CCNY: variants seen among roughly 807,000 people sequenced by gnomAD.
The protein encoded by CCNY is cyclin-Y.
Under a neutral mutation model 42.8 loss-of-function variants are expected in CCNY, and 19 were observed. The observed-to-expected ratio is 0.44, with a 90% CI of 0.31 to 0.65. The LOEUF (loss-of-function observed/expected upper bound fraction) is 0.65. CCNY is among the 30% of genes least tolerant of loss of function. The probability of loss-of-function intolerance (pLI) is 0.07; values close to 1 mark genes in which losing one functional copy is unlikely to be tolerated. For synonymous variants in CCNY, 165 were observed against 162.7 expected, an observed-to-expected ratio of 1.01 and a Z score of -0.11; for missense variants, 370 against 437.3, an observed-to-expected ratio of 0.85 and a Z score of 1.37.
At chr10:35,562,248 G>C (rs1047910721) in intron 8 of CCNY, among the ~76,000 whole-genome samples, 25 of 152,214 alleles carry the variant, frequency 1.6e-4, no homozygotes, top group African/African-American at 6.0e-4. Context: ...CACAGAGAAA[G>C]AACTTCAGTT....
chr10:35,483,009 A>G (rs1232496159), intron 1 of CCNY, among the ~76,000 whole-genome samples: 2 of 152,136 alleles, frequency 1.3e-5, no homozygotes, highest in African/African-American at 4.8e-5. Flanking sequence ...AGATATTCCT[A>G]TTTTAATCAC....
At chr10:35,294,268 T>C (rs919671340) in intron 3 of CCNY, among the ~76,000 whole-genome samples, 4 of 152,218 alleles carry the variant, frequency 2.6e-5, no homozygotes, top group Admixed American at 6.5e-5. Context: ...CTTATAATTA[T>C]CCTGGTTAGA....
intron 1 of CCNY, among the ~76,000 whole-genome samples, chr10:35,471,761 T>C (rs533551426): frequency 7.2e-5 from 11 of 152,164 alleles, no homozygotes; most frequent in Admixed American, 7.2e-4. Flanking sequence ...TCTTAATAGG[T>C]ATCAACATCA....
chr10:35,392,194 A>G (rs1837428562), intron 1 of CCNY, among the ~76,000 whole-genome samples: 1 of 152,220 alleles, frequency 6.6e-6, no homozygotes, highest in South Asian at 2.1e-4. Context: ...CATACTTAAT[A>G]TTCCTGATAG....
intron 2 of CCNY, among the ~76,000 whole-genome samples, chr10:35,485,970 A>T (rs1278156961): frequency 6.6e-6 from 1 of 152,106 alleles, no homozygotes; most frequent in Non-Finnish European, 1.5e-5. Flanking sequence ...ACAGTTCCTC[A>T]TGGCATTTAT....
In CCNY at chr10:35,445,378, A is replaced by G. The variant is rs116426319; in HGVS notation, c.155-38026A>G. Among the ~76,000 whole-genome samples the G allele has an allele frequency of 3.0e-3, 457 of 152,282 alleles. 1 individual carries two copies. Among genetic ancestry groups the G allele is most frequent in the African/African-American group, 0.01 (433 of 41,574 alleles). ...GGGATCCTCAGAATCTTCTCAAGGC[A>G]GTGCACTGGAAGGCTGACAGGAACT... On this transcript the variant is annotated intron_variant, in intron 1 of 9. Coordinates refer to ENST00000374704, the MANE Select transcript of CCNY (RefSeq NM_145012.6).
rs756701487 is a variant in CCNY, at chr10:35,569,123, G to A, written c.979G>A (p.Ala327Thr). 3.1e-6 allele frequency: 5 copies of A among 1,612,774 alleles called. No individual in the cohort carries two copies. In the South Asian group the frequency reaches 4.4e-5, roughly 14 times the overall value. ...ATCCGCGAGGAAGCGCTCAGCCAGT[G>A]CAGACAACCTGACTCTGCCCCGGTG... ...RRSARKRSASADNLTLPRWSP... is the reference protein window; with the variant it reads ...RRSARKRSASTDNLTLPRWSP... The change falls in exon 10 of 10, where the codon GCA becomes ACA. Residue 327 changes from alanine to threonine, a missense_variant. Physicochemically the swap from Ala to Thr is moderately conservative, Grantham distance 58 (BLOSUM62 0). Transcript: ENST00000374704.
intron 7 of CCNY, among the ~76,000 whole-genome samples, chr10:35,552,476 A>G (rs1484684420): frequency 6.6e-6 from 1 of 152,182 alleles, no homozygotes; most frequent in African/African-American, 2.4e-5. Flanking sequence ...GAATGTGGTA[A>G]CCACCACACT....
chr10:35,477,241 G>T (rs575514932), intron 1 of CCNY, among the ~76,000 whole-genome samples: 79 of 152,224 alleles, frequency 5.2e-4, no homozygotes, highest in Admixed American at 2.0e-3. Context: ...CTTCTGAAAC[G>T]ATTCCAATCA....
chr10:35,555,841 G>T (rs760899807), intron 8 of CCNY, among the ~76,000 whole-genome samples: 1 of 152,082 alleles, frequency 6.6e-6, no homozygotes, highest in African/African-American at 2.4e-5. Flanking sequence ...TAGCCTTAAT[G>T]TCTGTTCTTT....
intron 1 of CCNY, among the ~76,000 whole-genome samples, chr10:35,377,335 A>T (rs1837076055): frequency 1.3e-5 from 2 of 152,102 alleles, no homozygotes; most frequent in South Asian, 4.1e-4. Flanking sequence ...ACCATTTTTA[A>T]TCTTTTATAC....
intron 4 of CCNY, among the ~76,000 whole-genome samples, chr10:35,517,827 C>T (rs1564443157): frequency 6.6e-6 from 1 of 152,186 alleles, no homozygotes; most frequent in South Asian, 2.1e-4. Context: ...GCCTGAGCCA[C>T]GTTTACCCTT....
chr10:35,351,539 A>G (rs138090067), intron 1 of CCNY, among the ~76,000 whole-genome samples: 147 of 152,342 alleles, frequency 9.6e-4, no homozygotes, highest in African/African-American at 3.3e-3. Flanking sequence ...TTTCAGATGC[A>G]ACTAATCTAG....
chr10:35,564,935 A>G (rs988621763), intron 8 of CCNY, among the ~76,000 whole-genome samples: 8 of 152,190 alleles, frequency 5.3e-5, no homozygotes, highest in Non-Finnish European at 7.4e-5. Flanking sequence ...CACATGCTGC[A>G]TAGTGTGGGC....
intron 7 of CCNY, among the ~76,000 whole-genome samples, chr10:35,552,181 A>T (rs988712222): frequency 6.6e-6 from 1 of 152,226 alleles, no homozygotes; most frequent in Non-Finnish European, 1.5e-5. Flanking sequence ...GCTGAATATT[A>T]TTCAGCCTTA....
At chr10:35,493,281 T>A (rs544715179) in intron 2 of CCNY, among the ~76,000 whole-genome samples, 1 of 152,170 alleles carries the variant, frequency 6.6e-6, no homozygotes, top group East Asian at 1.9e-4. Context: ...AGAATAGAGG[T>A]TAGCAGGGAT....
At chr10:35,458,785 C>T (rs1026436962) in intron 1 of CCNY, among the ~76,000 whole-genome samples, 6 of 152,224 alleles carry the variant, frequency 3.9e-5, no homozygotes, top group East Asian at 1.9e-4. Context: ...CCTGCCCATG[C>T]GTTTTTATCA....
chr10:35,306,476 C>T (rs1013219968), intron 3 of CCNY, among the ~76,000 whole-genome samples: 9 of 152,186 alleles, frequency 5.9e-5, no homozygotes, highest in Admixed American at 3.9e-4. Context: ...CCCTGGCTTT[C>T]GGTCCATTCC....
At chr10:35,429,450 C>T (rs181620137) in intron 1 of CCNY, among the ~76,000 whole-genome samples, 2 of 152,102 alleles carry the variant, frequency 1.3e-5, no homozygotes, top group Non-Finnish European at 2.9e-5. Flanking sequence ...TAAACCATAG[C>T]TTTTTGGGGT....
Sources: gnomAD v4.1 joint callset for allele counts (sites outside exome capture counted in the v4.1 genomes callset) on GRCh38, gnomAD v4.1.1 for gene constraint, MANE v1.5 for transcripts, NCBI Gene and HGNC (gene_info 2026-07-23, HGNC 2026-07-21) for gene names.